Variants in RNF152 observed in about 807,000 individuals in gnomAD.
RNF152 encodes ring finger protein 152, also known as E3 ubiquitin-protein ligase RNF152.
Under a neutral mutation model 12.7 loss-of-function variants are expected in RNF152, and 11 were observed. The observed-to-expected ratio is 0.86, with a 90% CI of 0.54 to 1.43. The LOEUF (loss-of-function observed/expected upper bound fraction) is 1.43. Among genes scored for constraint, RNF152 ranks in the 40% most tolerant of loss-of-function variants. RNF152 has a pLI of 0.00. For synonymous variants in RNF152, 113 were observed against 120.3 expected (o/e 0.94, Z 0.40); for missense variants, 255 against 274.8 (o/e 0.93, Z 0.51).
chr18:61,884,364 G>A (rs1599327445), intron 1 of RNF152, among the ~76,000 whole-genome samples: 1 of 151,526 alleles, frequency 6.6e-6, no homozygotes, highest in Non-Finnish European at 1.5e-5. Flanking sequence ...TGTAAGGCAG[G>A]CATATATGCT....
intron 1 of RNF152, among the ~76,000 whole-genome samples, chr18:61,872,018 T>C (rs1032833236): frequency 7.2e-5 from 11 of 152,200 alleles, no homozygotes; most frequent in African/African-American, 2.7e-4. Context: ...GGCTCACGGT[T>C]CTGCAGGCTG....
chr18:61,818,852 A>T (rs1458442534), intron 1 of RNF152, among the ~76,000 whole-genome samples: 1 of 152,204 alleles, frequency 6.6e-6, no homozygotes, highest in Non-Finnish European at 1.5e-5. Context: ...CTTGTAACTA[A>T]GATCTTGTCA....
intron 1 of RNF152, among the ~76,000 whole-genome samples, chr18:61,887,270 T>C (rs1912742205): frequency 6.6e-6 from 1 of 152,130 alleles, no homozygotes; most frequent in African/African-American, 2.4e-5. Flanking sequence ...GGTCTAAGAG[T>C]GACAGCATTT....
At chr18:61,892,199 T>A (rs1161309354) in intron 1 of RNF152, among the ~76,000 whole-genome samples, 1 of 152,182 alleles carries the variant, frequency 6.6e-6, no homozygotes, top group Admixed American at 6.5e-5. Flanking sequence ...AAATGGAAAC[T>A]TCACTCAAGC....
intron 1 of RNF152, among the ~76,000 whole-genome samples, chr18:61,875,562 C>G (rs764946852): frequency 6.6e-6 from 1 of 151,644 alleles, no homozygotes; most frequent in Non-Finnish European, 1.5e-5. Context: ...ACCATCTGGG[C>G]GTGGATTACC....
intron 1 of RNF152, among the ~76,000 whole-genome samples, chr18:61,843,498 C>T (rs79913974): frequency 0.025 from 3,832 of 152,310 alleles, 164 homozygotes; most frequent in African/African-American, 0.087. Context: ...GATATTTCTA[C>T]ATCCATGTTC....
At chr18:61,838,226 A>G (rs1434993906) in intron 1 of RNF152, among the ~76,000 whole-genome samples, 1 of 152,234 alleles carries the variant, frequency 6.6e-6, no homozygotes, top group Non-Finnish European at 1.5e-5. Context: ...CTTTGCAAAC[A>G]GCAGCATCCA....
intron 1 of RNF152, among the ~76,000 whole-genome samples, chr18:61,838,528 A>G (rs1039043104): frequency 2.0e-5 from 3 of 152,188 alleles, no homozygotes; most frequent in Non-Finnish European, 4.4e-5. Flanking sequence ...CCTCAGTGTG[A>G]GCTTAAACCA....
intron 1 of RNF152, among the ~76,000 whole-genome samples, chr18:61,832,675 G>A (rs1910003055): frequency 6.6e-6 from 1 of 152,052 alleles, no homozygotes; most frequent in Non-Finnish European, 1.5e-5. Context: ...TAAAAAAACA[G>A]CCCGATTTAA....
intron 1 of RNF152, among the ~76,000 whole-genome samples, chr18:61,884,414 T>A (rs1242847929): frequency 1.3e-5 from 2 of 150,924 alleles, no homozygotes; most frequent in African/African-American, 2.4e-5. Flanking sequence ...TACATTTCTT[T>A]TATTCTCTAC....
At chr18:61,877,159 G>A (rs1912249343) in intron 1 of RNF152, among the ~76,000 whole-genome samples, 1 of 152,220 alleles carries the variant, frequency 6.6e-6, no homozygotes, top group African/African-American at 2.4e-5. Context: ...CAACTCGGCT[G>A]TTGTCATCCA....
At chr18:61,881,433 A>G (rs1053462854) in intron 1 of RNF152, among the ~76,000 whole-genome samples, 2 of 152,188 alleles carry the variant, frequency 1.3e-5, no homozygotes, top group African/African-American at 2.4e-5. Context: ...GTCTGTTCAG[A>G]ACTGCTTCCT....
At position 61,879,354 on chromosome 18, in the gene RNF152, G is replaced by A. The variant is rs1229739744; in HGVS notation, c.-136+13441C>T. On this transcript the variant is annotated intron_variant, in intron 1 of 1. Coordinates refer to ENST00000312828, the MANE Select transcript of RNF152 (RefSeq NM_173557.3). ...TCTAGTGACGATTTAAAGTATACAC[G>A]AGGAAGTGCATAGGTTATATGCAAA... Among the ~76,000 whole-genome samples the A allele has an allele frequency of 4.6e-5, 7 of 152,090 alleles. No individual in the cohort carries two copies. In the East Asian group the frequency reaches 7.7e-4, roughly 17 times the overall value.
chr18:61,859,007 CA>C (rs1223413209), intron 1 of RNF152, among the ~76,000 whole-genome samples: 1 of 150,322 alleles, frequency 6.7e-6, no homozygotes, highest in African/African-American at 2.5e-5. Context: ...TATCCAATTA[CA>C]GGAGGGTGAA....
intron 1 of RNF152, among the ~76,000 whole-genome samples, chr18:61,873,679 G>GT (rs1912093346): frequency 6.6e-6 from 1 of 152,212 alleles, no homozygotes; most frequent in African/African-American, 2.4e-5. Context: ...TCTTACAGCA[G>GT]TGGGGTTACC....
rs1912816614 is a variant in RNF152, at chr18:61,808,784, G to A, written c.*7068C>T. ...AGTCAGGATAGATCCACAGGAACAGGCCTTGCATTCCATGGTTAAGAGGAT... is the reference window on the plus strand; with the variant it reads ...AGTCAGGATAGATCCACAGGAACAGACCTTGCATTCCATGGTTAAGAGGAT... On this transcript the variant is annotated 3_prime_UTR_variant, in exon 2 of 2. Transcript: ENST00000312828. The A allele has an allele frequency of 6.6e-6, 1 of 152,200 alleles. No homozygotes were observed. The highest frequency in any genetic ancestry group is 2.1e-4 in the South Asian group (1 of 4,820). 9.4% of individuals were successfully genotyped at this position (152,200 alleles called of 1,614,324 possible). A position where few individuals can be genotyped will look rare whatever the true frequency, so the allele number is the denominator to read the frequency against.
intron 1 of RNF152, among the ~76,000 whole-genome samples, chr18:61,866,945 T>G (rs1911759488): frequency 6.6e-6 from 1 of 152,160 alleles, no homozygotes; most frequent in Non-Finnish European, 1.5e-5. Flanking sequence ...GACTGTTAGA[T>G]CCCTTATAAG....
upstream of RNF152, chr18:61,894,077 A>T (rs1913103327): frequency 6.6e-6 from 1 of 151,982 alleles, no homozygotes; most frequent in Admixed American, 6.6e-5. The surrounding 1 kb of genome is among the most constrained non-coding windows in gnomAD (Gnocchi z 4.9). Context: ...GGGCGCAGAC[A>T]TCCCTGCGCA....
chr18:61,850,106 T>C (rs1481823172), intron 1 of RNF152, among the ~76,000 whole-genome samples: 2 of 152,228 alleles, frequency 1.3e-5, no homozygotes, highest in Admixed American at 1.3e-4. Context: ...CCTAAGGCAA[T>C]AATACGGTAG....
Sources: allele counts gnomAD v4.1 joint callset (sites outside exome capture counted in the v4.1 genomes callset), GRCh38; gene constraint gnomAD v4.1.1; non-coding constraint Gnocchi (gnomAD v3.1); transcripts MANE v1.5; gene names NCBI Gene and HGNC (gene_info 2026-07-23, HGNC 2026-07-21).